The following ATP8A2 variants were observed in gnomAD, a reference collection of about 807,000 sequenced individuals.
The protein encoded by ATP8A2 is ATPase phospholipid transporting 8A2, also known as phospholipid-transporting ATPase IB.
ATP8A2 carries 100 observed loss-of-function variants against 165.6 expected under a neutral mutation model. The observed-to-expected ratio is 0.60, with a 90% confidence interval of 0.51 to 0.71. ATP8A2 has a LOEUF of 0.71. ATP8A2 is among the 30% of genes least tolerant of loss of function. The pLI, the probability that ATP8A2 is intolerant of heterozygous loss-of-function variation, is 0.00. For missense variants in ATP8A2, 1,227 were observed against 1,479.5 expected (o/e 0.83, Z 2.80); for synonymous variants, 543 against 548.8 (o/e 0.99, Z 0.15).
intron 35 of ATP8A2, among the ~76,000 whole-genome samples, chr13:25,998,231 AAGTCT>A (rs1956556850): frequency 6.6e-6 from 1 of 152,182 alleles, no homozygotes; most frequent in Admixed American, 6.5e-5. Flanking sequence ...TTGGGGATGG[AAGTCT>A]AGTCATCCGA....
At chr13:25,861,242 G>A (rs565886372) in intron 32 of ATP8A2, among the ~76,000 whole-genome samples, 9 of 151,806 alleles carry the variant, frequency 5.9e-5, no homozygotes, top group African/African-American at 9.7e-5. Context: ...TCCGGACTTC[G>A]TTCTATGTCT....
Position 25,696,547 on chromosome 13 carries a change from T to C in ATP8A2, c.2212-2626T>C, listed in dbSNP as rs1222504114. Among the ~76,000 whole-genome samples, 3 of 152,270 alleles carry C rather than the reference T, an allele frequency of 2.0e-5. No individual in the cohort carries two copies. In the East Asian group the frequency reaches 5.8e-4, roughly 29 times the overall value. ...TTGCTGCAGCTTCCTCGTCAGCGCT[T>C]ACTGCCTCACCTGGCACTTTTATGT... On this transcript the variant is annotated intron_variant, in intron 24 of 36. Coordinates refer to ENST00000381655, the MANE Select transcript of ATP8A2 (RefSeq NM_016529.6).
At chr13:25,412,526 C>A (rs1371615707) in intron 1 of ATP8A2, among the ~76,000 whole-genome samples, 1 of 152,192 alleles carries the variant, frequency 6.6e-6, no homozygotes, top group Non-Finnish European at 1.5e-5. Context: ...AAGCAGAGCT[C>A]AAAACACCTA....
intron 34 of ATP8A2, 23 bp downstream of exon 34, chr13:25,961,686 G>A: frequency 1.9e-6 from 3 of 1,568,368 alleles, no homozygotes; most frequent in Non-Finnish European, 2.6e-6. Context: ...GTGAAGCGGG[G>A]ACCCTAAGTC....
chr13:25,472,250 C>T (rs561423360), intron 2 of ATP8A2, among the ~76,000 whole-genome samples: 15 of 152,074 alleles, frequency 9.9e-5, no homozygotes, highest in African/African-American at 2.7e-4. Flanking sequence ...AAAAATTAGC[C>T]GGGCGTGGTG....
intron 27 of ATP8A2, among the ~76,000 whole-genome samples, chr13:25,813,157 C>A (rs1201934873): frequency 1.3e-5 from 2 of 151,924 alleles, no homozygotes; most frequent in Non-Finnish European, 2.9e-5. Context: ...ACCACCATAG[C>A]ACATGTTTAC....
intron 35 of ATP8A2, among the ~76,000 whole-genome samples, chr13:25,975,114 G>T (rs1054899443): frequency 1.3e-5 from 2 of 152,064 alleles, no homozygotes; most frequent in African/African-American, 4.8e-5. Context: ...CGATGGTGTT[G>T]CACTGTGTCC....
intron 33 of ATP8A2, among the ~76,000 whole-genome samples, chr13:25,915,574 G>A (rs983569541): frequency 1.3e-5 from 2 of 152,202 alleles, no homozygotes; most frequent in Non-Finnish European, 1.5e-5. Context: ...CCAGGCACAG[G>A]GGGAGAAGTC....
At chr13:25,428,932 CCAGAA>C (rs1398598858) in intron 1 of ATP8A2, among the ~76,000 whole-genome samples, 5 of 152,148 alleles carry the variant, frequency 3.3e-5, no homozygotes, top group Non-Finnish European at 5.9e-5. Context: ...CAGCACGACC[CCAGAA>C]CAGGTCTGGG....
chr13:25,928,050 T>A (rs1954662469), intron 33 of ATP8A2, among the ~76,000 whole-genome samples: 1 of 152,220 alleles, frequency 6.6e-6, no homozygotes, highest in Non-Finnish European at 1.5e-5. Flanking sequence ...TTCCTCTGAA[T>A]GGAAATGTTA....
chr13:25,647,833 C>T (rs544768043), intron 24 of ATP8A2, among the ~76,000 whole-genome samples: 196 of 151,944 alleles, frequency 1.3e-3, no homozygotes, highest in Non-Finnish European at 1.9e-3. Context: ...TTACAGGTGC[C>T]TGCCACCATG....
intron 35 of ATP8A2, among the ~76,000 whole-genome samples, chr13:26,002,884 GTGTGTGTGTGTA>G (rs1487437627): frequency 7.0e-6 from 1 of 143,480 alleles, no homozygotes; most frequent in African/African-American, 2.6e-5. Context: ...GTGTGTGTGT[GTGTGTGTGTGTA>G]TGTACCACAG....
intron 2 of ATP8A2, among the ~76,000 whole-genome samples, chr13:25,475,824 GTGTC>G (rs2035979560): frequency 6.6e-6 from 1 of 152,166 alleles, no homozygotes; most frequent in Non-Finnish European, 1.5e-5. Flanking sequence ...CTTTAGAAAA[GTGTC>G]TGTTCATATC....
At position 25,689,023 on chromosome 13, in the gene ATP8A2, G is replaced by T. The variant is rs191900033; in HGVS notation, c.2212-10150G>T. On this transcript the variant is annotated intron_variant, in intron 24 of 36. Coordinates refer to ENST00000381655, the MANE Select transcript of ATP8A2 (RefSeq NM_016529.6). Reference sequence around the variant, plus strand: ...GTTTGCACAAGACTAAATACAGCCTGGGCACATTATAATTTTTCTAAGAGT... The same window carrying T: ...GTTTGCACAAGACTAAATACAGCCTTGGCACATTATAATTTTTCTAAGAGT... Among the ~76,000 whole-genome samples, 326 of 152,278 alleles carry T rather than the reference G, an allele frequency of 2.1e-3. 2 individuals carry two copies. Among genetic ancestry groups the T allele is most frequent in the Non-Finnish European group, 2.6e-3 (177 of 68,026 alleles).
intron 1 of ATP8A2, among the ~76,000 whole-genome samples, chr13:25,411,302 C>G (rs1208580862): frequency 6.6e-5 from 10 of 152,176 alleles, no homozygotes; most frequent in Admixed American, 6.5e-4. Context: ...AGGTGTGTTT[C>G]CACATGGTTG....
chr13:25,515,914 T>C (rs1285509501), intron 2 of ATP8A2, among the ~76,000 whole-genome samples: 2 of 152,190 alleles, frequency 1.3e-5, no homozygotes, highest in East Asian at 1.9e-4. Context: ...ACACTTTGGT[T>C]TTGTGCACTT....
chr13:26,017,826 C>A (rs191874332), intron 36 of ATP8A2, among the ~76,000 whole-genome samples: 1 of 152,334 alleles, frequency 6.6e-6, no homozygotes, highest in Admixed American at 6.5e-5. Flanking sequence ...TGCCTTCAGG[C>A]TCAGACACCC....
At chr13:25,811,756 A>AG in intron 27 of ATP8A2, among the ~76,000 whole-genome samples, 1 of 152,286 alleles carries the variant, frequency 6.6e-6, no homozygotes, top group South Asian at 2.1e-4. Context: ...AGCTACTCAG[A>AG]TAGCTGAAGC....
chr13:25,990,013 G>A (rs1194201926), intron 35 of ATP8A2, among the ~76,000 whole-genome samples: 2 of 152,162 alleles, frequency 1.3e-5, no homozygotes, highest in East Asian at 1.9e-4. Context: ...AAGTCAGCAG[G>A]CCAGCGCCTC....
Sources: allele counts gnomAD v4.1 joint callset (sites outside exome capture counted in the v4.1 genomes callset), GRCh38; gene constraint gnomAD v4.1.1; transcripts MANE v1.5; gene names NCBI Gene and HGNC (gene_info 2026-07-23, HGNC 2026-07-21).